SCARA3: variants seen among roughly 807,000 people sequenced by gnomAD.
SCARA3 encodes the protein cellular stress response gene protein.
A neutral mutation model predicts 47.0 loss-of-function variants in SCARA3; 39 were observed. The observed-to-expected ratio is 0.83, with a 90% CI of 0.64 to 1.08. The LOEUF (loss-of-function observed/expected upper bound fraction) is 1.08, where lower values mean the gene tolerates loss of function less well. Among genes scored for constraint, SCARA3 ranks in the 50% least tolerant of loss-of-function variants. The probability of loss-of-function intolerance (pLI) is 0.00; values close to 1 mark genes in which losing one functional copy is unlikely to be tolerated. For synonymous variants in SCARA3, 356 were observed against 334.1 expected, an observed-to-expected ratio of 1.07 and a Z score of -0.71; for missense variants, 724 against 792.3, an observed-to-expected ratio of 0.91 and a Z score of 1.04.
the SCARA3 span, among the ~76,000 whole-genome samples, chr8:27,687,261 T>C: frequency 6.6e-6 from 1 of 152,198 alleles, no homozygotes; most frequent in Non-Finnish European, 1.5e-5. Flanking sequence ...TGTGGCCATT[T>C]GTCTGAATAG....
chr8:27,636,764 G>T (rs1459358285), intron 1 of SCARA3, among the ~76,000 whole-genome samples: 2 of 152,190 alleles, frequency 1.3e-5, no homozygotes, highest in Non-Finnish European at 2.9e-5. Context: ...CACAGGGGCT[G>T]CATGGGCTGC....
chr8:27,670,752 A>T, intron 5 of SCARA3, 148 bp from the exon 6 acceptor site: 1 of 614,416 alleles, frequency 1.6e-6, no homozygotes, highest in Admixed American at 3.0e-5. Flanking sequence ...GTGTGTGTGG[A>T]GCTATCGGCA....
the SCARA3 span, among the ~76,000 whole-genome samples, chr8:27,693,656 C>T: frequency 6.6e-6 from 1 of 152,052 alleles, no homozygotes; most frequent in Non-Finnish European, 1.5e-5. Flanking sequence ...TTGGACATGC[C>T]TCATTATACC....
intron 2 of SCARA3, 77 bp from the exon 3 acceptor site, chr8:27,651,431 C>T: frequency 6.5e-7 from 1 of 1,540,294 alleles, no homozygotes; most frequent in Non-Finnish European, 8.8e-7. Context: ...CAGACCAGAG[C>T]AGGAACATGG....
chr8:27,641,363 G>T (rs567669416), intron 1 of SCARA3, among the ~76,000 whole-genome samples: 8 of 152,218 alleles, frequency 5.3e-5, no homozygotes, highest in Non-Finnish European at 1.2e-4. Context: ...GGAACCTCAT[G>T]GTCTTGATCC....
intron 3 of SCARA3, among the ~76,000 whole-genome samples, chr8:27,653,747 A>G (rs976493883): frequency 1.3e-5 from 2 of 152,144 alleles, no homozygotes; most frequent in Non-Finnish European, 2.9e-5. Context: ...CTAAATCAAG[A>G]GCATACTGGG....
chr8:27,640,677 G>T (rs567467858), intron 1 of SCARA3, among the ~76,000 whole-genome samples: 1 of 152,212 alleles, frequency 6.6e-6, no homozygotes, highest in South Asian at 2.1e-4. Flanking sequence ...CTGGTTTTTA[G>T]TTGTTGCTTT....
chr8:27,644,369 T>C (rs1801447608), intron 1 of SCARA3, among the ~76,000 whole-genome samples: 1 of 152,200 alleles, frequency 6.6e-6, no homozygotes, highest in Non-Finnish European at 1.5e-5. Context: ...ACAGGGACCA[T>C]GGCCCTCCCT....
At chr8:27,712,356 G>A in the SCARA3 span, among the ~76,000 whole-genome samples, 1 of 151,990 alleles carries the variant, frequency 6.6e-6, no homozygotes, top group East Asian at 1.9e-4. Context: ...GAGGTCAGGA[G>A]ATCGAGACCA....
intron 5 of SCARA3, among the ~76,000 whole-genome samples, chr8:27,665,918 C>T (rs1025462152): frequency 5.3e-5 from 8 of 152,088 alleles, no homozygotes; most frequent in Non-Finnish European, 7.3e-5. Context: ...AATGTTTGCT[C>T]GGTGAATAAA....
At chr8:27,667,860 C>T (rs1279824277) in intron 5 of SCARA3, among the ~76,000 whole-genome samples, 3 of 152,160 alleles carry the variant, frequency 2.0e-5, no homozygotes, top group Non-Finnish European at 4.4e-5. Context: ...GTAGCCCACG[C>T]GGAGACCCAC....
At chr8:27,715,824 TGATAGATAGATAGATA>T in the SCARA3 span, among the ~76,000 whole-genome samples, 6,112 of 118,924 alleles carry the variant, frequency 0.051, 189 homozygotes, top group African/African-American at 0.091. This position sits in a 1 kb window ranked among gnomAD's most constrained non-coding sequence, Gnocchi z 4.2. Context: ...GATAGATAGA[TGATAGATAGATAGATA>T]GATAGATAGA....
intron 1 of SCARA3, among the ~76,000 whole-genome samples, chr8:27,646,683 A>T (rs1235484696): frequency 1.3e-5 from 2 of 152,086 alleles, no homozygotes; most frequent in Non-Finnish European, 2.9e-5. Context: ...GGGTCTCTGG[A>T]GGTGAGAGGC....
At chr8:27,695,084 T>C in the SCARA3 span, among the ~76,000 whole-genome samples, 1 of 152,120 alleles carries the variant, frequency 6.6e-6, no homozygotes, top group African/African-American at 2.4e-5. Flanking sequence ...CCTGGGGATA[T>C]TGGAGATCCA....
the SCARA3 span, among the ~76,000 whole-genome samples, chr8:27,695,247 A>T: frequency 1.3e-5 from 2 of 152,164 alleles, no homozygotes; most frequent in Non-Finnish European, 2.9e-5. Flanking sequence ...ACTAACTAAA[A>T]CCAAGCCCTG....
chr8:27,731,856 G>T, the SCARA3 span, among the ~76,000 whole-genome samples: 6,414 of 152,210 alleles, frequency 0.042, 182 homozygotes, highest in Non-Finnish European at 0.063. Flanking sequence ...AGTGGAAGAC[G>T]ATTCTGGCAA....
At chr8:27,688,571 C>T in the SCARA3 span, among the ~76,000 whole-genome samples, 324 of 152,192 alleles carry the variant, frequency 2.1e-3, 2 homozygotes, top group Non-Finnish European at 2.6e-3. Context: ...TGGCACGTGC[C>T]TATAGTCCCA....
rs1415400509 is a variant in SCARA3 at position 27,646,978 on chromosome 8, C to A, written c.8-2724C>A. Among the ~76,000 whole-genome samples, 519 of 110,588 alleles carry A rather than the reference C, an allele frequency of 4.7e-3. 58 individuals are homozygous for A. Among genetic ancestry groups the A allele is most frequent in the Middle Eastern group, 0.042 (11 of 264 alleles). 72.6% of individuals were successfully genotyped at this position (110,588 alleles called of 152,430 possible). On this transcript the variant is annotated intron_variant, in intron 1 of 5. Transcript: ENST00000301904. Reference sequence around the variant, plus strand: ...CGCACCCCTGACCGCCCCCGCCCCCCCCCCGCACACACACACTATTGCCCC... The same window carrying A: ...CGCACCCCTGACCGCCCCCGCCCCCACCCCGCACACACACACTATTGCCCC...
the SCARA3 span, among the ~76,000 whole-genome samples, chr8:27,708,572 CATA>C: frequency 6.7e-6 from 1 of 150,314 alleles, no homozygotes; most frequent in African/African-American, 2.5e-5. Context: ...AAAGAATAAG[CATA>C]ATATTATAGA....
Sources: allele counts gnomAD v4.1 joint callset (sites outside exome capture counted in the v4.1 genomes callset), GRCh38; gene constraint gnomAD v4.1.1; non-coding constraint Gnocchi (gnomAD v3.1); transcripts MANE v1.5; gene names NCBI Gene and HGNC (gene_info 2026-07-23, HGNC 2026-07-21).